The following GMNN variants were observed in gnomAD, a reference collection of about 807,000 sequenced individuals.
GMNN encodes geminin DNA replication inhibitor.
GMNN carries 14 observed loss-of-function variants against 20.9 expected under a neutral mutation model. That is an observed-to-expected ratio of 0.67 (90% CI 0.44 to 1.05). GMNN has a LOEUF of 1.05. Among genes scored for constraint, GMNN ranks in the 50% least tolerant of loss-of-function variants. The pLI is 0.00. For synonymous variants in GMNN, 81 were observed against 85.8 expected (o/e 0.94, Z 0.31); for missense variants, 227 against 243.8 (o/e 0.93, Z 0.46).
rs187593968 is a variant in GMNN, at chr6:24,785,942, T to C, written c.*143T>C. ...ATCCTGGGACCCTATTGCATTAAAG[T>C]ACAAATACTATGTATTTTTAATCTA... On this transcript the variant is annotated 3_prime_UTR_variant, in exon 7 of 7. Transcript: ENST00000230056. 2 of 568,724 alleles carry C rather than the reference T, an allele frequency of 3.5e-6. No homozygotes were observed. Among genetic ancestry groups the C allele is most frequent in the African/African-American group, 3.9e-5 (2 of 50,766 alleles). 35.2% of individuals were successfully genotyped at this position (568,724 alleles called of 1,614,324 possible). A position where few individuals can be genotyped will look rare whatever the true frequency, so the allele number is the denominator to read the frequency against.
At chr6:24,779,179 GA>G (rs1160776710) in intron 2 of GMNN, among the ~76,000 whole-genome samples, 2 of 152,176 alleles carry the variant, frequency 1.3e-5, no homozygotes, top group Non-Finnish European at 2.9e-5. Flanking sequence ...AGGATTCACA[GA>G]GTATTAAATA....
chr6:24,780,541 G>A (rs756308822), intron 2 of GMNN, 122 bp from the exon 3 acceptor site: 2 of 591,624 alleles, frequency 3.4e-6, no homozygotes, highest in Admixed American at 2.6e-5. Flanking sequence ...TGTGTTGTTA[G>A]TGTTCCTTTT....
At chr6:24,777,456 C>G (rs1033658400) in intron 2 of GMNN, 159 bp downstream of exon 2, 22 of 402,602 alleles carry the variant, frequency 5.5e-5, no homozygotes, top group African/African-American at 4.4e-4. Flanking sequence ...AAACTAATTA[C>G]GGTTGAATAT....
chr6:24,781,482 C>A lies in GMNN; in HGVS notation c.135C>A (p.Ser45=). The change falls in exon 4 of 7, where the codon TCC becomes TCA. Residue 45 remains serine, a synonymous_variant. Coordinates refer to ENST00000230056, the MANE Select transcript of GMNN (RefSeq NM_015895.5). ...GSLVGRENEL[S]AGLSKRKHRN... ...GATAAGTGTTTTCATTATAGCTGTC[C>A]GCAGGCTTGTCCAAAAGGAAACATC... The A allele has an allele frequency of 6.3e-7, 1 of 1,593,256 alleles. No individual in the cohort carries two copies. Among genetic ancestry groups the A allele is most frequent in the Non-Finnish European group, 8.6e-7 (1 of 1,164,036 alleles).
chr6:24,778,199 GCGGTTTTAAATAAATA>G (rs1183698399), intron 2 of GMNN, among the ~76,000 whole-genome samples: 2 of 152,150 alleles, frequency 1.3e-5, no homozygotes, highest in Non-Finnish European at 2.9e-5. Context: ...CTATCAATTT[GCGGTTTTAAATAAATA>G]AAGAGCCAGG....
intron 5 of GMNN, 47 bp from the exon 6 acceptor site, chr6:24,784,397 T>A (rs1332256109): frequency 1.1e-6 from 1 of 879,342 alleles, no homozygotes; most frequent in Non-Finnish European, 1.9e-6. Flanking sequence ...ATTTGATTTA[T>A]AGCATAGCAA....
chr6:24,784,611 G>T, intron 6 of GMNN, 57 bp downstream of exon 6: 1 of 750,878 alleles, frequency 1.3e-6, no homozygotes, highest in Non-Finnish European at 2.3e-6. Context: ...TAAAGTTGAG[G>T]TAGTGTAGTG....
Position 24,775,037 on chromosome 6 carries a change from G to A in GMNN, c.-233G>A, listed in dbSNP as rs1359292355. Reference sequence around the variant, plus strand: ...CCAGCGACCGTGGGGATCAGCGTAGGTGAGCTGTGGCCTTTTGCGAGGTGC... The same window carrying A: ...CCAGCGACCGTGGGGATCAGCGTAGATGAGCTGTGGCCTTTTGCGAGGTGC... On this transcript the variant is annotated 5_prime_UTR_variant, in exon 1 of 7. It adds an upstream start codon to the 5' untranslated region. Coordinates refer to ENST00000230056, the MANE Select transcript of GMNN (RefSeq NM_015895.5). 1 of 152,434 alleles carries A rather than the reference G, an allele frequency of 6.6e-6. No individual in the cohort carries two copies. Among genetic ancestry groups the A allele is most frequent in the Non-Finnish European group, 1.5e-5 (1 of 68,172 alleles). 9.4% of individuals were successfully genotyped at this position (152,434 alleles called of 1,614,324 possible). A position where few individuals can be genotyped will look rare whatever the true frequency, so the allele number is the denominator to read the frequency against.
Position 24,785,867 on chromosome 6 carries a change from G to A in GMNN, c.*68G>A. 1 of 960,236 alleles carries A rather than the reference G, an allele frequency of 1.0e-6. No homozygotes were observed. The highest frequency in any genetic ancestry group is 1.6e-6 in the Non-Finnish European group (1 of 619,438). The allele number at this position is 960,236 out of a possible 1,614,324, so 59.5% of individuals were successfully genotyped here. A position where few individuals can be genotyped will look rare whatever the true frequency, so the allele number is the denominator to read the frequency against. On this transcript the variant is annotated 3_prime_UTR_variant, in exon 7 of 7. Coordinates refer to ENST00000230056, the MANE Select transcript of GMNN (RefSeq NM_015895.5). ...TTACCTCCACTAGTTCTTTGTAGCAGAGTACATAACTACATAATGCCAACT... is the reference window on the plus strand; with the variant it reads ...TTACCTCCACTAGTTCTTTGTAGCAAAGTACATAACTACATAATGCCAACT...
intron 5 of GMNN, 41 bp downstream of exon 5, chr6:24,784,210 A>G (rs1780291504): frequency 2.9e-6 from 3 of 1,035,724 alleles, no homozygotes; most frequent in East Asian, 2.4e-5. Flanking sequence ...TAAAAATTCC[A>G]GGATTGTTTT....
chr6:24,777,061 C>T, intron 1 of GMNN, 161 bp from the exon 2 acceptor site: 1 of 395,294 alleles, frequency 2.5e-6, no homozygotes. Flanking sequence ...TATCAAGAGT[C>T]ATTAACTTTA....
intron 4 of GMNN, among the ~76,000 whole-genome samples, chr6:24,782,736 G>T (rs1274034179): frequency 6.6e-6 from 1 of 152,108 alleles, no homozygotes; most frequent in African/African-American, 2.4e-5. Flanking sequence ...ATATCATGTT[G>T]GTAATATAAC....
rs114983866 is a variant in GMNN at position 24,783,427 on chromosome 6, G to A, written c.275-660G>A. The stretch of plus-strand genomic sequence containing the variant: ...ACCGTAGAAGTAATAGATATAAGCC[G>A]GAAACATCAATCATCAATGGAATTA... On this transcript the variant is annotated intron_variant, in intron 4 of 6. Coordinates refer to ENST00000230056, the MANE Select transcript of GMNN (RefSeq NM_015895.5). 3.8e-3 allele frequency among the ~76,000 whole-genome samples: 582 copies of A among 152,008 alleles called. 4 individuals are homozygous for A. Among genetic ancestry groups the A allele is most frequent in the African/African-American group, 0.013 (533 of 41,466 alleles).
chr6:24,775,516 C>A (rs1204781914), intron 1 of GMNN: 1 of 152,252 alleles, frequency 6.6e-6, no homozygotes, highest in Admixed American at 6.5e-5. Flanking sequence ...AGGGACTCAG[C>A]CTGGGCTTGC....
At chr6:24,782,223 T>C (rs1018496676) in intron 4 of GMNN, among the ~76,000 whole-genome samples, 1 of 152,126 alleles carries the variant, frequency 6.6e-6, no homozygotes, top group Non-Finnish European at 1.5e-5. Context: ...GTTCGAGGTA[T>C]GAAAGGAATT....
Position 24,785,639 on chromosome 6 carries a change from G to T in GMNN, c.470G>T (p.Arg157Ile), listed in dbSNP as rs1780333429. 3 of 1,450,170 alleles carry T rather than the reference G, an allele frequency of 2.1e-6. No homozygotes were observed. The highest frequency in any genetic ancestry group is 2.9e-6 in the Non-Finnish European group (3 of 1,048,746). 89.8% of individuals were successfully genotyped at this position (1,450,170 alleles called of 1,614,324 possible). ...HVQYMAELIE[R>I]LNGEPLDNFE... ...AATTATTGGTTTATTCTTTAAAAGA[G>T]ACTGAATGGTGAACCTCTGGATAAT... The change falls in exon 7 of 7, where the codon AGA (arginine) becomes ATA (isoleucine). Residue 157 changes from arginine (R) to isoleucine (I), a missense_variant and splice_region_variant. Physicochemically the swap from Arg to Ile is moderately conservative, Grantham distance 97 (BLOSUM62 -3). Coordinates refer to ENST00000230056, the MANE Select transcript of GMNN (RefSeq NM_015895.5).
intron 2 of GMNN, chr6:24,777,677 T>C (rs1350255522): frequency 2.6e-5 from 4 of 153,466 alleles, no homozygotes; most frequent in Non-Finnish European, 4.4e-5. Flanking sequence ...TGTGTCTTGA[T>C]TTTGTGTCCT....
Position 24,781,522 on chromosome 6 carries a change from A to C in GMNN, c.175A>C (p.Thr59Pro). The change falls in exon 4 of 7, where the codon ACA becomes CCA. Residue 59 changes from threonine to proline, a missense_variant. Physicochemically the swap from Thr to Pro is conservative, Grantham distance 38 (BLOSUM62 -1). Transcript: ENST00000230056. Reference sequence around the variant, plus strand: ...AAGGAAACATCGGAATGACCACTTAACATCTACAACTTCCAGCCCTGGGGT... The same window carrying C: ...AAGGAAACATCGGAATGACCACTTACCATCTACAACTTCCAGCCCTGGGGT... Reference protein sequence around the residue: ...SKRKHRNDHLTSTTSSPGVIV... With the variant: ...SKRKHRNDHLPSTTSSPGVIV... The C allele has an allele frequency of 6.3e-7, 1 of 1,593,664 alleles. No homozygotes were observed. Among genetic ancestry groups the C allele is most frequent in the Non-Finnish European group, 8.6e-7 (1 of 1,164,782 alleles).
intron 3 of GMNN, 90 bp downstream of exon 3, chr6:24,780,830 A>G (rs1780193744): frequency 2.9e-6 from 2 of 684,392 alleles, no homozygotes; most frequent in Non-Finnish European, 5.4e-6. Flanking sequence ...AAACACGTAA[A>G]TTGTTGAAAT....
Sources: gnomAD v4.1 joint callset for allele counts (sites outside exome capture counted in the v4.1 genomes callset) on GRCh38, gnomAD v4.1.1 for gene constraint, MANE v1.5 for transcripts, NCBI Gene and HGNC (gene_info 2026-07-23, HGNC 2026-07-21) for gene names.